RAPGEF6: variants seen among roughly 807,000 people sequenced by gnomAD.
The protein encoded by RAPGEF6 is Rap guanine nucleotide exchange factor 6.
A neutral mutation model predicts 171.4 loss-of-function variants in RAPGEF6; 56 were observed. The observed-to-expected ratio is 0.33, with a 90% confidence interval of 0.26 to 0.41. The LOEUF is 0.41. RAPGEF6 is among the 10% of genes least tolerant of loss of function. The pLI, the probability that RAPGEF6 is intolerant of heterozygous loss-of-function variation, is 1.00. For missense variants in RAPGEF6, 1,674 were observed against 1,921.4 expected (o/e 0.87, Z 2.41); for synonymous variants, 692 against 650.1 (o/e 1.06, Z -0.98).
intron 3 of RAPGEF6, among the ~76,000 whole-genome samples, chr5:131,602,906 A>G (rs1764340337): frequency 6.6e-6 from 1 of 152,230 alleles, no homozygotes; most frequent in Non-Finnish European, 1.5e-5. Flanking sequence ...AAAAATTTGG[A>G]TATTTATTAA....
In RAPGEF6 at chr5:131,431,092, T is replaced by C. The variant is rs1296847238; in HGVS notation, c.4232A>G (p.Tyr1411Cys). 1.2e-6 allele frequency: 2 copies of C among 1,614,212 alleles called. No homozygotes were observed. The highest frequency in any genetic ancestry group is 2.2e-5 in the South Asian group (2 of 91,090). The part of the protein sequence containing the change: ...AEVEPTDSEP[Y>C]SCSKSCSRTC... ...TCTAGAGCAGCTTTTAGAACAGGAA[T>C]AGGGCTCAGAGTCAGTGGGTTCAAC... Residue 1411 changes from tyrosine (Y) to cysteine (C), a missense_variant, in exon 26 of 28, where the codon TAT (tyrosine) becomes TGT (cysteine). Coordinates refer to ENST00000509018, the MANE Select transcript of RAPGEF6 (RefSeq NM_016340.6).
intron 19 of RAPGEF6, among the ~76,000 whole-genome samples, chr5:131,460,533 C>CTTGG (rs1753847945): frequency 6.6e-6 from 1 of 152,158 alleles, no homozygotes; most frequent in African/African-American, 2.4e-5. Context: ...CATTTCTAGC[C>CTTGG]TTCCAAGTGT....
At position 131,512,453 on chromosome 5, in the gene RAPGEF6, C is replaced by G. The variant is rs80086755; in HGVS notation, c.628-1962G>C. ...GTATGATCACAGCTCACTGTAGCCT[C>G]AGCCTCCCTAGTAGCTAGGACCACA... On this transcript the variant is annotated intron_variant, in intron 7 of 27. Transcript: ENST00000509018. 7.2e-3 allele frequency among the ~76,000 whole-genome samples: 1,087 copies of G among 151,798 alleles called. 7 individuals carry two copies. Among genetic ancestry groups the G allele is most frequent in the African/African-American group, 0.024 (1,007 of 41,364 alleles).
intron 24 of RAPGEF6, among the ~76,000 whole-genome samples, chr5:131,433,863 C>T (rs1247274105): frequency 2.0e-5 from 3 of 152,290 alleles, no homozygotes; most frequent in Non-Finnish European, 1.5e-5. Flanking sequence ...ATCCACACCA[C>T]ACCAATACAA....
chr5:131,492,684 T>C lies in RAPGEF6; in HGVS notation c.1629A>G (p.Gln543=). Residue 543 remains glutamine (Q), a synonymous_variant, in exon 14 of 28, where the codon CAA becomes CAG. Transcript: ENST00000509018. Reference sequence around the variant, plus strand: ...TCTCACTCCCTCCATTAAGGCTGAATTGTAGAGGGGACTCGCGGGAAGCCT... The same window carrying C: ...TCTCACTCCCTCCATTAAGGCTGAACTGTAGAGGGGACTCGCGGGAAGCCT... ...LQKASRESPL[Q]FSLNGGSEKG... is the part of the protein sequence containing the mutation. The C allele has an allele frequency of 1.2e-6, 2 of 1,614,172 alleles. No homozygotes were observed. The highest frequency in any genetic ancestry group is 8.5e-7 in the Non-Finnish European group (1 of 1,180,014).
chr5:131,480,723 C>T (rs1279488155), intron 15 of RAPGEF6, among the ~76,000 whole-genome samples: 2 of 152,128 alleles, frequency 1.3e-5, no homozygotes, highest in Non-Finnish European at 2.9e-5. Context: ...AGGTGATTCG[C>T]CCACCTCGGC....
intron 13 of RAPGEF6, among the ~76,000 whole-genome samples, chr5:131,494,104 C>G (rs914260816): frequency 6.6e-6 from 1 of 152,200 alleles, no homozygotes; most frequent in African/African-American, 2.4e-5. Flanking sequence ...ACTGTTATGC[C>G]TCTCAGCTCA....
chr5:131,483,780 C>T (rs1755667128), intron 15 of RAPGEF6, among the ~76,000 whole-genome samples: 1 of 151,800 alleles, frequency 6.6e-6, no homozygotes, highest in African/African-American at 2.4e-5. Context: ...AGATGAGTAA[C>T]AATATAAAAA....
intron 11 of RAPGEF6, among the ~76,000 whole-genome samples, chr5:131,502,821 C>T (rs552779586): frequency 6.6e-6 from 1 of 152,198 alleles, no homozygotes; most frequent in East Asian, 1.9e-4. Flanking sequence ...GTTTTTGAGA[C>T]GGAGTCTCAC....
intron 19 of RAPGEF6, among the ~76,000 whole-genome samples, 155 bp downstream of exon 19, chr5:131,461,550 C>T (rs1333503670): frequency 6.6e-6 from 1 of 152,040 alleles, no homozygotes; most frequent in African/African-American, 2.4e-5. Flanking sequence ...AAGCCAATAC[C>T]ACCAAAATGG....
intron 1 of RAPGEF6, among the ~76,000 whole-genome samples, chr5:131,608,218 G>A (rs1161832518): frequency 4.6e-5 from 7 of 151,978 alleles, no homozygotes; most frequent in Admixed American, 4.6e-4. Flanking sequence ...AAATCATCTG[G>A]GCCACAAAAC....
At chr5:131,458,525 A>G (rs1440301964) in intron 19 of RAPGEF6, among the ~76,000 whole-genome samples, 1 of 152,248 alleles carries the variant, frequency 6.6e-6, no homozygotes, top group African/African-American at 2.4e-5. Context: ...TCCACAGAGG[A>G]AATAAAAGAA....
In RAPGEF6 at chr5:131,479,670, G is replaced by A. The variant is rs769649431; in HGVS notation, c.1924C>T (p.Arg642Cys). The A allele has an allele frequency of 2.0e-5, 33 of 1,613,726 alleles. No individual in the cohort carries two copies. Among genetic ancestry groups the A allele is most frequent in the Non-Finnish European group, 2.4e-5 (28 of 1,179,956 alleles). Residue 642 changes from arginine (R) to cysteine (C), a missense_variant, in exon 16 of 28, where the codon CGC becomes TGC. Around this residue, in one of 3 missense-constraint regions of RAPGEF6, gnomAD observed 1,116 missense variants for 1,321.5 expected, o/e 0.84. Coordinates refer to ENST00000509018, the MANE Select transcript of RAPGEF6 (RefSeq NM_016340.6). ...IPKIAEKKSN[R>C]HSIQHVPGDI... The stretch of plus-strand genomic sequence containing the variant: ...CCTGGCACATGCTGGATAGAATGGC[G>A]ATTACTTTTTTTTTCAGCAATTTTG...
intron 4 of RAPGEF6, among the ~76,000 whole-genome samples, chr5:131,591,942 C>T (rs1763616665): frequency 6.6e-6 from 1 of 152,104 alleles, no homozygotes; most frequent in African/African-American, 2.4e-5. Context: ...ACGGCAACCT[C>T]CACCTCCCAG....
chr5:131,581,815 G>T (rs1164497003), intron 4 of RAPGEF6, among the ~76,000 whole-genome samples: 2 of 152,054 alleles, frequency 1.3e-5, no homozygotes, highest in Admixed American at 1.3e-4. Context: ...AATGTACTTT[G>T]TTAACATTCC....
chr5:131,440,784 A>G (rs963477424), intron 23 of RAPGEF6, among the ~76,000 whole-genome samples: 3 of 151,660 alleles, frequency 2.0e-5, no homozygotes, highest in Non-Finnish European at 4.4e-5. Flanking sequence ...GCTACATAGT[A>G]TAAGTAATGC....
intron 15 of RAPGEF6, among the ~76,000 whole-genome samples, chr5:131,484,669 A>G (rs931239983): frequency 6.6e-6 from 1 of 152,304 alleles, no homozygotes; most frequent in Non-Finnish European, 1.5e-5. Flanking sequence ...TTTTTATTAT[A>G]TCTCTGTTAA....
intron 3 of RAPGEF6, among the ~76,000 whole-genome samples, chr5:131,600,132 T>C (rs950198747): frequency 6.6e-6 from 1 of 152,246 alleles, no homozygotes. Context: ...GCAACAGATA[T>C]GACAATCCGA....
At chr5:131,508,711 G>A (rs946948435) in intron 8 of RAPGEF6, among the ~76,000 whole-genome samples, 3 of 152,180 alleles carry the variant, frequency 2.0e-5, no homozygotes, top group African/African-American at 4.8e-5. Context: ...GTTTATGAGT[G>A]CCTCAGGCCA....
Sources: gnomAD v4.1 joint callset for allele counts (sites outside exome capture counted in the v4.1 genomes callset) on GRCh38, gnomAD v4.1.1 for gene constraint, gnomAD v4.1.1 regional missense constraint, MANE v1.5 for transcripts, NCBI Gene and HGNC (gene_info 2026-07-23, HGNC 2026-07-21) for gene names.